IQCH: variants seen among roughly 807,000 people sequenced by gnomAD.
IQCH encodes IQ motif containing H, also known as IQ domain-containing protein H.
A neutral mutation model predicts 117.0 loss-of-function variants in IQCH; 98 were observed. That is an observed-to-expected ratio of 0.84 (90% confidence interval 0.71 to 0.99). The LOEUF (loss-of-function observed/expected upper bound fraction) is 0.99. IQCH is among the 50% of genes least tolerant of loss of function. IQCH has a pLI of 0.00. For missense variants in IQCH, 1,102 were observed against 1,243.8 expected, an observed-to-expected ratio of 0.89 and a Z score of 1.72; for synonymous variants, 412 against 448.2, an observed-to-expected ratio of 0.92 and a Z score of 1.02.
At chr15:67,316,756 A>AT (rs1449897736) in intron 4 of IQCH, among the ~76,000 whole-genome samples, 1 of 152,204 alleles carries the variant, frequency 6.6e-6, no homozygotes, top group Non-Finnish European at 1.5e-5. Context: ...ACCCAAAGTC[A>AT]TACAAGCTAA....
At position 67,370,016 on chromosome 15, in the gene IQCH, C is replaced by G. The variant is rs1970470007; in HGVS notation, c.754-2095C>G. ...CCAAGAAGGTAGAAAGGTGTAATCC[C>G]TTTGTTCTAAAACAGCCACTGATAA... On this transcript the variant is annotated intron_variant, in intron 8 of 20. Coordinates refer to ENST00000335894, the MANE Select transcript of IQCH (RefSeq NM_001031715.3). The surrounding 1 kb of genome is among the most constrained non-coding windows in gnomAD (Gnocchi z 5.6). Among the ~76,000 whole-genome samples the G allele has an allele frequency of 6.6e-6, 1 of 152,168 alleles. No individual in the cohort carries two copies. Among genetic ancestry groups the G allele is most frequent in the African/African-American group, 2.4e-5 (1 of 41,432 alleles).
intron 4 of IQCH, among the ~76,000 whole-genome samples, chr15:67,332,611 A>G (rs1477187265): frequency 6.6e-6 from 1 of 152,212 alleles, no homozygotes; most frequent in Non-Finnish European, 1.5e-5. Flanking sequence ...ATACTAAACA[A>G]TTATAGAATC....
intron 5 of IQCH, among the ~76,000 whole-genome samples, chr15:67,337,485 C>T (rs2140659753): frequency 6.6e-6 from 1 of 152,196 alleles, no homozygotes; most frequent in Admixed American, 6.5e-5. Context: ...AAATATGAAG[C>T]CAGAATTAAT....
In IQCH at chr15:67,335,674, C is replaced by T. The variant is rs149487827; in HGVS notation, c.388-1301C>T. 6.4e-4 allele frequency among the ~76,000 whole-genome samples: 97 copies of T among 152,222 alleles called. 1 individual carries two copies. The highest frequency in any genetic ancestry group is 4.3e-3 in the Admixed American group (66 of 15,296). On this transcript the variant is annotated intron_variant, in intron 4 of 20. Transcript: ENST00000335894. ...ATGTGGATCAGGAAGACCAGAGTCT[C>T]ATAATAAATAAATCTTCTTATGAGT...
chr15:67,335,504 T>C (rs953414000), intron 4 of IQCH, among the ~76,000 whole-genome samples: 23 of 152,192 alleles, frequency 1.5e-4, no homozygotes, highest in African/African-American at 4.1e-4. Context: ...GCTTTTGATA[T>C]TGAATATTCT....
intron 18 of IQCH, among the ~76,000 whole-genome samples, chr15:67,487,112 C>T (rs2083504509): frequency 6.6e-6 from 1 of 152,190 alleles, no homozygotes; most frequent in Non-Finnish European, 1.5e-5. Context: ...GCGGGTGGAT[C>T]ACCTGAGGTC....
rs973194109 is a variant in IQCH, at chr15:67,465,594, C to T, written c.2676+297C>T. ...TGCCTCAACTACAAGCTGTTTCACA[C>T]AAAACCCATATTTTTCTAGCCCCAC... On this transcript the variant is annotated intron_variant, in intron 17 of 20. Coordinates refer to ENST00000335894, the MANE Select transcript of IQCH (RefSeq NM_001031715.3). This position sits in a 1 kb window ranked among gnomAD's most constrained non-coding sequence, Gnocchi z 5.9. Among the ~76,000 whole-genome samples, 1 of 152,158 alleles carries T rather than the reference C, an allele frequency of 6.6e-6. No homozygotes were observed. Among genetic ancestry groups the T allele is most frequent in the Admixed American group, 6.5e-5 (1 of 15,278 alleles).
At chr15:67,355,545 G>C (rs1245482047) in intron 6 of IQCH, among the ~76,000 whole-genome samples, 1 of 151,490 alleles carries the variant, frequency 6.6e-6, no homozygotes, top group Non-Finnish European at 1.5e-5. Flanking sequence ...AGCCGAGATT[G>C]TGCCACTGCA....
intron 4 of IQCH, among the ~76,000 whole-genome samples, chr15:67,311,698 C>T (rs1489577515): frequency 1.3e-5 from 2 of 151,652 alleles, no homozygotes; most frequent in Non-Finnish European, 2.9e-5. Context: ...CACAATTATA[C>T]TAAATTCTTA....
At chr15:67,260,953 G>A (rs138163350) in intron 1 of IQCH, among the ~76,000 whole-genome samples, 22 of 152,032 alleles carry the variant, frequency 1.4e-4, no homozygotes, top group African/African-American at 3.4e-4. Context: ...AAAATTAGCC[G>A]GGTGTGGTGG....
At chr15:67,256,601 C>T (rs1965222051) in intron 1 of IQCH, among the ~76,000 whole-genome samples, 1 of 152,148 alleles carries the variant, frequency 6.6e-6, no homozygotes, top group South Asian at 2.1e-4. Context: ...AGACTGGACC[C>T]CTCTTTGGGT....
Position 67,388,412 on chromosome 15 carries a change from A to G in IQCH, c.1457-419A>G, listed in dbSNP as rs1316013353. 6.6e-6 allele frequency among the ~76,000 whole-genome samples: 1 copy of G among 152,024 alleles called. No homozygotes were observed. The highest frequency in any genetic ancestry group is 1.5e-5 in the Non-Finnish European group (1 of 67,992). ...CCCTGTCAAGTCCATACAGAATAAG[A>G]AATTGCAATTTCATCAGCTTTGTAA... On this transcript the variant is annotated intron_variant, in intron 11 of 20. Transcript: ENST00000335894. The surrounding 1 kb of genome is among the most constrained non-coding windows in gnomAD (Gnocchi z 5.5).
intron 4 of IQCH, among the ~76,000 whole-genome samples, chr15:67,280,535 A>G (rs1361427930): frequency 6.6e-6 from 1 of 152,062 alleles, no homozygotes; most frequent in Non-Finnish European, 1.5e-5. Context: ...AGAGAGAGAC[A>G]GAGAGAAAAC....
At chr15:67,257,377 T>G (rs1965267310) in intron 1 of IQCH, among the ~76,000 whole-genome samples, 1 of 152,206 alleles carries the variant, frequency 6.6e-6, no homozygotes, top group African/African-American at 2.4e-5. Context: ...GTACTTTAAA[T>G]TTCTACTTGC....
At position 67,395,701 on chromosome 15, in the gene IQCH, A is replaced by ATTT; in HGVS notation, c.1905+138_1905+139insTTT. 1 of 242,578 alleles carries ATTT rather than the reference A, an allele frequency of 4.1e-6. No homozygotes were observed. Among genetic ancestry groups the ATTT allele is most frequent in the Non-Finnish European group, 6.8e-6 (1 of 146,570 alleles). The allele number at this position is 242,578 out of a possible 1,614,324, so 15.0% of individuals were successfully genotyped here. On this transcript the variant is annotated intron_variant, in intron 13 of 20. Coordinates refer to ENST00000335894, the MANE Select transcript of IQCH (RefSeq NM_001031715.3). This position sits in a 1 kb window ranked among gnomAD's most constrained non-coding sequence, Gnocchi z 4.0. The stretch of plus-strand genomic sequence containing the variant: ...TATTTGAGTTGATTTGAGGGAATCT[A>ATTT]CTTTATTTATTTATTTATTTATTTA...
In IQCH at chr15:67,400,491, C is replaced by CTTTTCTTTTTTTTTTTTT. The variant is rs776111763; in HGVS notation, c.2097+190_2097+191insCTTTTTTTTTTTTTTTTT. Among the ~76,000 whole-genome samples the CTTTTCTTTTTTTTTTTTT allele has an allele frequency of 4.5e-4, 52 of 115,560 alleles. 9 individuals carry two copies. Among genetic ancestry groups the CTTTTCTTTTTTTTTTTTT allele is most frequent in the Admixed American group, 5.1e-4 (5 of 9,732 alleles). 75.8% of individuals were successfully genotyped at this position (115,560 alleles called of 152,430 possible). ...TGGGATTGACTGAGTTCTTTTTTTT[C>CTTTTCTTTTTTTTTTTTT]TTTTTTTTTTTGAGATGGGGCCTCA... On this transcript the variant is annotated intron_variant, in intron 14 of 20. Coordinates refer to ENST00000335894, the MANE Select transcript of IQCH (RefSeq NM_001031715.3).
chr15:67,485,903 C>T (rs980139792), intron 18 of IQCH, among the ~76,000 whole-genome samples: 3 of 152,024 alleles, frequency 2.0e-5, no homozygotes, highest in Admixed American at 6.5e-5. Flanking sequence ...ATGATCGGCC[C>T]GCCTCAGCCT....
Position 67,472,528 on chromosome 15 carries a change from T to C in IQCH, c.2677-3168T>C, listed in dbSNP as rs1567216634. On this transcript the variant is annotated intron_variant, in intron 17 of 20. Transcript: ENST00000335894. This position sits in a 1 kb window ranked among gnomAD's most constrained non-coding sequence, Gnocchi z 4.3. ...GGAAAAAACAGCCTGGGAAGTTACA[T>C]TTATTGTAGATCCAAAATCCTTTCA... Among the ~76,000 whole-genome samples, 2 of 152,218 alleles carry C rather than the reference T, an allele frequency of 1.3e-5. No individual in the cohort carries two copies. The highest frequency in any genetic ancestry group is 2.9e-5 in the Non-Finnish European group (2 of 68,044).
At chr15:67,460,900 A>AT (rs1263631378) in intron 16 of IQCH, among the ~76,000 whole-genome samples, 2 of 152,222 alleles carry the variant, frequency 1.3e-5, no homozygotes, top group Non-Finnish European at 2.9e-5. Flanking sequence ...CAAGCCAGTT[A>AT]TTATAAGTCA....
Sources: allele counts gnomAD v4.1 joint callset (sites outside exome capture counted in the v4.1 genomes callset), GRCh38; gene constraint gnomAD v4.1.1; non-coding constraint Gnocchi (gnomAD v3.1); transcripts MANE v1.5; gene names NCBI Gene and HGNC (gene_info 2026-07-23, HGNC 2026-07-21).